The following MYO15A variants were observed in gnomAD, a reference collection of about 807,000 sequenced individuals.
MYO15A encodes the protein unconventional myosin-XV.
MYO15A carries 308 observed loss-of-function variants against 394.6 expected under a neutral mutation model. The observed-to-expected ratio is 0.78, with a 90% CI of 0.71 to 0.86. The LOEUF is 0.86. Among genes scored for constraint, MYO15A ranks in the 40% least tolerant of loss-of-function variants. The pLI is 0.00. For missense variants in MYO15A, 4,606 were observed against 4,799.1 expected (o/e 0.96, Z 1.19); for synonymous variants, 1,957 against 2,003.8 (o/e 0.98, Z 0.62).
At chr17:18,118,067 A>AACAC (rs141242287) in intron 1 of MYO15A, among the ~76,000 whole-genome samples, 1 of 149,990 alleles carries the variant, frequency 6.7e-6, no homozygotes. Flanking sequence ...CCCCCGCCCC[A>AACAC]ACACACACAC....
chr17:18,173,318 A>G (rs962195525), intron 64 of MYO15A, among the ~76,000 whole-genome samples: 2 of 152,198 alleles, frequency 1.3e-5, no homozygotes, highest in African/African-American at 4.8e-5. Flanking sequence ...CAGGCTAGGT[A>G]CTTGACTCAC....
chr17:18,138,700 T>C, intron 17 of MYO15A, 111 bp from the exon 18 acceptor site: 1 of 1,443,258 alleles, frequency 6.9e-7, no homozygotes, highest in Non-Finnish European at 9.5e-7. Flanking sequence ...CTGTGAGTTG[T>C]TCCTCTCTGG....
Position 18,136,493 on chromosome 17 carries a change from C to A in MYO15A, c.4655+18C>A. 6.2e-7 allele frequency: 1 copy of A among 1,613,768 alleles called. No individual in the cohort carries two copies. Among genetic ancestry groups the A allele is most frequent in the Middle Eastern group, 1.6e-4 (1 of 6,062 alleles). Reference sequence around the variant, plus strand: ...GATGCCAGGTGAGGCCACGCCCTCCCCTGCCTGAGCCCCGAGGCCCAGCAC... The same window carrying A: ...GATGCCAGGTGAGGCCACGCCCTCCACTGCCTGAGCCCCGAGGCCCAGCAC... On this transcript the variant is annotated intron_variant, in intron 14 of 65. Transcript: ENST00000647165.
chr17:18,133,531 A>T (rs929644582), intron 12 of MYO15A, 145 bp downstream of exon 12: 2 of 1,096,912 alleles, frequency 1.8e-6, no homozygotes, highest in Admixed American at 2.9e-5. Context: ...GGGGTTGTTC[A>T]TCTTTTTCCT....
At chr17:18,133,469 C>T (rs2046206776) in intron 12 of MYO15A, 83 bp downstream of exon 12, 1 of 1,550,246 alleles carries the variant, frequency 6.5e-7, no homozygotes, top group South Asian at 1.1e-5. Context: ...GTTTCCCTTT[C>T]AGATTACACT....
Position 18,132,406 on chromosome 17 carries a change from C to G in MYO15A, c.4207-47C>G. On this transcript the variant is annotated intron_variant, in intron 10 of 65. Transcript: ENST00000647165. This position sits in a 1 kb window ranked among gnomAD's most constrained non-coding sequence, Gnocchi z 4.6. ...GGCTTGTATGTGTGCCTGGGGGTCA[C>G]CTAGGTAGGTGGCTCCCTTCTCTGT... is the stretch of plus-strand genomic sequence containing the variant. 2 of 1,507,436 alleles carry G rather than the reference C, an allele frequency of 1.3e-6. No homozygotes were observed. The highest frequency in any genetic ancestry group is 2.7e-5 in the African/African-American group (2 of 72,988). The allele number at this position is 1,507,436 out of a possible 1,614,324, so 93.4% of individuals were successfully genotyped here.
rs2046615644 is a variant in MYO15A at position 18,153,305 on chromosome 17, G to A, written c.7967-470G>A. On this transcript the variant is annotated intron_variant, in intron 42 of 65. Transcript: ENST00000647165. This position sits in a 1 kb window ranked among gnomAD's most constrained non-coding sequence, Gnocchi z 4.1. Reference sequence around the variant, plus strand: ...CAATAGGTGTTTTTATGTGTTGAATGAAAGGCTGGGTCATATGTGACCCTT... The same window carrying A: ...CAATAGGTGTTTTTATGTGTTGAATAAAAGGCTGGGTCATATGTGACCCTT... 6.6e-6 allele frequency: 1 copy of A among 152,616 alleles called. No homozygotes were observed. The highest frequency in any genetic ancestry group is 1.5e-5 in the Non-Finnish European group (1 of 68,328). 9.5% of individuals were successfully genotyped at this position (152,616 alleles called of 1,614,324 possible).
rs370762045 is a variant in MYO15A, at chr17:18,173,799, C to G, written c.10369C>G (p.Pro3457Ala). 57 of 1,613,886 alleles carry G rather than the reference C, an allele frequency of 3.5e-5. No individual in the cohort carries two copies. The highest frequency in any genetic ancestry group is 4.7e-5 in the Non-Finnish European group (55 of 1,180,050). Residue 3457 changes from proline to alanine, a missense_variant, in exon 65 of 66, where the codon CCC becomes GCC. Around this residue, in one of 2 missense-constraint regions of MYO15A, gnomAD observed 2,776 missense variants for 3,109.3 expected, o/e 0.89. Coordinates refer to ENST00000647165, the MANE Select transcript of MYO15A (RefSeq NM_016239.4). ...CTCCCAGGAATTGATGGTGAAGTTCCCCCTGAAGGAGATCCAGTCGACGCG... is the reference window on the plus strand; with the variant it reads ...CTCCCAGGAATTGATGGTGAAGTTCGCCCTGAAGGAGATCCAGTCGACGCG... ...TETHELMVKF[P>A]LKEIQSTRTQ... is the part of the protein sequence containing the mutation.
At chr17:18,158,080 G>A (rs1419102328) in intron 51 of MYO15A, among the ~76,000 whole-genome samples, 180 bp downstream of exon 51, 1 of 152,184 alleles carries the variant, frequency 6.6e-6, no homozygotes, top group Admixed American at 6.5e-5. Flanking sequence ...AGACCCGGGA[G>A]ATGGGACCAG....
intron 7 of MYO15A, among the ~76,000 whole-genome samples, chr17:18,130,016 A>G (rs8078991): frequency 0.024 from 3,724 of 152,206 alleles, 66 homozygotes; most frequent in African/African-American, 0.038. Flanking sequence ...AGTAGCTGGG[A>G]CTACAGGCGC....
At chr17:18,124,353 G>T in intron 2 of MYO15A, 130 bp from the exon 3 acceptor site, 1 of 880,348 alleles carries the variant, frequency 1.1e-6, no homozygotes, top group Non-Finnish European at 1.8e-6. Flanking sequence ...GAGGAGACCT[G>T]CAGGACCCAC....
rs2046421094 is a variant in MYO15A, at chr17:18,143,595, G to A, written c.5940G>A (p.Glu1980=). Residue 1980 remains glutamate (E), a synonymous_variant, in exon 26 of 66, where the codon GAG becomes GAA. Transcript: ENST00000647165. ...KLRAEWRCQV[E]GALLWEQEEL... ...GGGCAGAGTGGAGGTGCCAGGTGGA[G>A]GGGGCGCTGCTGTGGGAGCAGGAGG... 6.4e-6 allele frequency: 10 copies of A among 1,564,882 alleles called. No individual in the cohort carries two copies. The highest frequency in any genetic ancestry group is 8.7e-6 in the Non-Finnish European group (10 of 1,154,170).
In MYO15A at chr17:18,178,088, G is replaced by A. The variant is rs145501944; in HGVS notation, c.10492-681G>A. On this transcript the variant is annotated intron_variant, in intron 65 of 65. Coordinates refer to ENST00000647165, the MANE Select transcript of MYO15A (RefSeq NM_016239.4). ...TTTTTTAAATCTAAAGAATTTACAC[G>A]TGGCCGGGCGCGGTGGCTCATGCCT... The A allele has an allele frequency of 3.2e-3, 504 of 155,636 alleles. 1 individual carries two copies. The highest frequency in any genetic ancestry group is 7.7e-3 in the South Asian group (40 of 5,170). 9.6% of individuals were successfully genotyped at this position (155,636 alleles called of 1,614,324 possible).
At chr17:18,161,165 A>G in intron 56 of MYO15A, 152 bp from the exon 57 acceptor site, 1 of 1,178,276 alleles carries the variant, frequency 8.5e-7, no homozygotes, top group Non-Finnish European at 1.2e-6. Context: ...CAAGCAGAAT[A>G]TGCCTTTTGC....
rs1461008151 is a variant in MYO15A at position 18,171,620 on chromosome 17, C to G, written c.10083-18C>G. 6.2e-7 allele frequency: 1 copy of G among 1,613,862 alleles called. No individual in the cohort carries two copies. Among genetic ancestry groups the G allele is most frequent in the Non-Finnish European group, 8.5e-7 (1 of 1,180,048 alleles). On this transcript the variant is annotated intron_variant, in intron 62 of 65. Coordinates refer to ENST00000647165, the MANE Select transcript of MYO15A (RefSeq NM_016239.4). ...TGGGAGCTCACTCAGGACCTTTTTC[C>G]CCTTCCTCCGTACACAGGCGGGAAG...
At position 18,179,552 on chromosome 17, in the gene MYO15A, C is replaced by G. The variant is rs1167153029; in HGVS notation, c.*682C>G. On this transcript the variant is annotated 3_prime_UTR_variant, in exon 66 of 66. Transcript: ENST00000647165. The stretch of plus-strand genomic sequence containing the variant: ...GACCCCCATCACTTGATGGGCCACA[C>G]AAGTTTGAGAGTGGTACAAGGGAGA... 2 of 155,932 alleles carry G rather than the reference C, an allele frequency of 1.3e-5. No individual in the cohort carries two copies. Among genetic ancestry groups the G allele is most frequent in the Non-Finnish European group, 2.8e-5 (2 of 70,282 alleles). 9.7% of individuals were successfully genotyped at this position (155,932 alleles called of 1,614,324 possible).
intron 52 of MYO15A, 51 bp from the exon 53 acceptor site, chr17:18,158,874 G>T: frequency 3.7e-6 from 6 of 1,603,918 alleles, no homozygotes; most frequent in Non-Finnish European, 5.1e-6. Context: ...GGAAAAGGAT[G>T]TAGCCAAGGC....
chr17:18,158,464 C>A (rs1293069876), intron 51 of MYO15A, 59 bp from the exon 52 acceptor site: 3 of 1,503,546 alleles, frequency 2.0e-6, no homozygotes, highest in Admixed American at 1.7e-5. Context: ...TCAGTTTTGA[C>A]CGAAGGGCTA....
rs762178682 is a variant in MYO15A at position 18,157,782 on chromosome 17, C to A, written c.8849C>A (p.Pro2950His). The A allele has an allele frequency of 6.2e-7, 1 of 1,604,438 alleles. No homozygotes were observed. The highest frequency in any genetic ancestry group is 8.5e-7 in the Non-Finnish European group (1 of 1,179,546). The change falls in exon 51 of 66, where the codon CCC (proline) becomes CAC (histidine). Residue 2950 changes from proline to histidine, a missense_variant. This residue lies in a region of MYO15A where 2,776 missense variants were observed against 3,109.3 expected (regional missense o/e 0.89). Coordinates refer to ENST00000647165, the MANE Select transcript of MYO15A (RefSeq NM_016239.4). Reference sequence around the variant, plus strand: ...CGCTTCCCTTCGGAGCTGGTGCAGCCCGCTGCTGCCCCCGACTTCCTGCAG... The same window carrying A: ...CGCTTCCCTTCGGAGCTGGTGCAGCACGCTGCTGCCCCCGACTTCCTGCAG... The part of the protein sequence containing the change: ...VGRFPSELVQ[P>H]AAAPDFLQLP...
Sources: allele counts gnomAD v4.1 joint callset (sites outside exome capture counted in the v4.1 genomes callset), GRCh38; gene constraint gnomAD v4.1.1; regional missense constraint gnomAD v4.1.1; non-coding constraint Gnocchi (gnomAD v3.1); transcripts MANE v1.5; gene names NCBI Gene and HGNC (gene_info 2026-07-23, HGNC 2026-07-21).